ACYP2: variants seen among roughly 807,000 people sequenced by gnomAD.
The protein encoded by ACYP2 is acylphosphatase 2.
ACYP2 carries 12 observed loss-of-function variants against 11.2 expected under a neutral mutation model. The ratio of observed to expected loss-of-function variants is 1.08; its 90% CI spans 0.69 to 1.74. ACYP2 has a LOEUF of 1.74. ACYP2 is among the 40% of genes most tolerant of loss of function. The pLI is 0.00. For missense variants in ACYP2, 134 were observed against 101.9 expected, an observed-to-expected ratio of 1.31 and a Z score of -1.35; for synonymous variants, 43 against 32.2, an observed-to-expected ratio of 1.33 and a Z score of -1.13.
chr2:54,165,527 TC>T, intron 6 of ACYP2, among the ~76,000 whole-genome samples: 1 of 140,726 alleles, frequency 7.1e-6, no homozygotes, highest in East Asian at 2.0e-4. Flanking sequence ...TCTCTCTCTC[TC>T]TCTCTCTCAC....
intron 4 of ACYP2, among the ~76,000 whole-genome samples, chr2:54,110,857 T>C (rs748088624): frequency 1.9e-4 from 29 of 151,780 alleles, no homozygotes; most frequent in Non-Finnish European, 3.8e-4. Flanking sequence ...GACCGATACC[T>C]GAGGAAAGGA....
chr2:54,115,567 G>A (rs761923931), intron 4 of ACYP2, 48 bp from the exon 1 acceptor site: 10 of 1,527,736 alleles, frequency 6.5e-6, no homozygotes, highest in Non-Finnish European at 8.8e-6. Flanking sequence ...ACCCCGGCGC[G>A]CTAGCGTCCG....
intron 4 of ACYP2, among the ~76,000 whole-genome samples, chr2:54,119,846 C>T (rs1680042535): frequency 6.6e-6 from 1 of 152,120 alleles, no homozygotes; most frequent in Admixed American, 6.5e-5. Flanking sequence ...ACATTTAGCC[C>T]CCTTGCCTCC....
intron 2 of ACYP2, among the ~76,000 whole-genome samples, chr2:54,046,541 AATCTGT>A (rs1412559082): frequency 6.6e-6 from 1 of 152,038 alleles, no homozygotes; most frequent in African/African-American, 2.4e-5. Context: ...CTCCAGGCTG[AATCTGT>A]ATCTCTCATG....
chr2:54,063,408 C>T (rs1342922845), intron 4 of ACYP2, among the ~76,000 whole-genome samples: 2 of 152,172 alleles, frequency 1.3e-5, no homozygotes, highest in Non-Finnish European at 1.5e-5. Context: ...TAGATCCACC[C>T]TCCATCTTTC....
At chr2:54,037,994 A>G (rs865789038) in intron 2 of ACYP2, among the ~76,000 whole-genome samples, 1 of 152,220 alleles carries the variant, frequency 6.6e-6, no homozygotes, top group Admixed American at 6.5e-5. Flanking sequence ...AAATCTCCGA[A>G]GCTTTCTCTC....
rs550142135 is a variant in ACYP2, at chr2:54,035,009, C to CAAAAAAAAAAAAAAAAAAAA, written c.63-15945_63-15926dup. On this transcript the variant is annotated intron_variant, in intron 2 of 6. Transcript: ENST00000607452. ...CAGGCGACAGTGCGAGACTACATCT[C>CAAAAAAAAAAAAAAAAAAAA]AAAAAAAAAAAAAAAAAAAAAAAGC... Among the ~76,000 whole-genome samples, 165 of 44,766 alleles carry CAAAAAAAAAAAAAAAAAAAA rather than the reference C, an allele frequency of 3.7e-3. 21 individuals carry two copies. The highest frequency in any genetic ancestry group is 7.0e-3 in the Non-Finnish European group (132 of 18,944). 29.4% of individuals were successfully genotyped at this position (44,766 alleles called of 152,430 possible).
chr2:54,032,946 A>G (rs554830060), intron 2 of ACYP2, among the ~76,000 whole-genome samples: 5 of 152,358 alleles, frequency 3.3e-5, no homozygotes, highest in African/African-American at 4.8e-5. Context: ...AGTTAGTCAG[A>G]TAAAGCTGGA....
chr2:54,251,753 T>C lies in ACYP2; in HGVS notation c.405-52935T>C, dbSNP rs1191242093. ...TGCTTATAGTCTTGAAAATAGAGAT[T>C]ATGTCCCTTAGAGAGCAAAGAACAG... On this transcript the variant is annotated intron_variant, in intron 6 of 6. Coordinates refer to ENST00000607452, the MANE Select transcript of ACYP2 (RefSeq NM_001320586.2). 2.0e-5 allele frequency among the ~76,000 whole-genome samples: 3 copies of C among 152,282 alleles called. No individual in the cohort carries two copies. In the East Asian group the frequency reaches 5.8e-4, roughly 29 times the overall value.
At position 54,202,423 on chromosome 2, in the gene ACYP2, T is replaced by C. The variant is rs1287208738; in HGVS notation, c.404+63675T>C. On this transcript the variant is annotated intron_variant, in intron 6 of 6. Coordinates refer to ENST00000607452, the MANE Select transcript of ACYP2 (RefSeq NM_001320586.2). Reference sequence around the variant, plus strand: ...TGCCTGGCTTTTTTTTTTTTTTTTTTCTGAGATGGAATCTTGCTCTGTCTC... The same window carrying C: ...TGCCTGGCTTTTTTTTTTTTTTTTTCCTGAGATGGAATCTTGCTCTGTCTC... 6.0e-4 allele frequency among the ~76,000 whole-genome samples: 75 copies of C among 125,860 alleles called. No homozygotes were observed. The East Asian group carries it at 9.2e-3, about 15-fold the overall frequency. The allele number at this position is 125,860 out of a possible 152,430, so 82.6% of individuals were successfully genotyped here.
intron 2 of ACYP2, among the ~76,000 whole-genome samples, chr2:54,014,540 C>CA (rs1370662498): frequency 6.6e-6 from 1 of 151,980 alleles, no homozygotes; most frequent in Non-Finnish European, 1.5e-5. Context: ...AGGCTGGTCT[C>CA]AAACTCCTGA....
intron 2 of ACYP2, among the ~76,000 whole-genome samples, chr2:54,042,220 G>C (rs1675269587): frequency 6.6e-6 from 1 of 152,104 alleles, no homozygotes; most frequent in Admixed American, 6.5e-5. Flanking sequence ...TGGTCAGGCT[G>C]GTCTCGAACT....
intron 6 of ACYP2, among the ~76,000 whole-genome samples, chr2:54,205,820 G>C (rs988402553): frequency 2.0e-5 from 3 of 152,130 alleles, no homozygotes; most frequent in South Asian, 2.1e-4. Context: ...AATTGGGTCA[G>C]GATATTCATC....
intron 4 of ACYP2, among the ~76,000 whole-genome samples, chr2:54,057,800 G>C (rs1458506352): frequency 6.6e-6 from 1 of 152,158 alleles, no homozygotes; most frequent in Non-Finnish European, 1.5e-5. Flanking sequence ...AGGAGTCAAA[G>C]CAGGGAAGGC....
chr2:54,241,889 TATA>T lies in ACYP2; in HGVS notation c.405-62796_405-62794del, dbSNP rs569222763. Among the ~76,000 whole-genome samples, 43 of 152,252 alleles carry T rather than the reference TATA, an allele frequency of 2.8e-4. 1 individual carries two copies. The East Asian group carries it at 4.8e-3, about 17-fold the overall frequency. ...TTAGCTGGGCGTGGTGGCAGGCACC[TATA>T]ATCCCATCTACTCCAGAGGCTAAGG... is the stretch of plus-strand genomic sequence containing the variant. On this transcript the variant is annotated intron_variant, in intron 6 of 6. Coordinates refer to ENST00000607452, the MANE Select transcript of ACYP2 (RefSeq NM_001320586.2).
intron 2 of ACYP2, among the ~76,000 whole-genome samples, chr2:53,990,555 A>C (rs1374117193): frequency 6.7e-6 from 1 of 149,082 alleles, no homozygotes; most frequent in Non-Finnish European, 1.5e-5. Flanking sequence ...AGGCTGAGGC[A>C]GGAGAATCTG....
chr2:54,206,287 GA>G (rs1480891315), intron 6 of ACYP2, among the ~76,000 whole-genome samples: 2 of 152,116 alleles, frequency 1.3e-5, no homozygotes, highest in African/African-American at 4.8e-5. Flanking sequence ...TATTCATAAT[GA>G]ATGACATTGT....
chr2:54,145,241 A>G (rs1423449015), intron 6 of ACYP2, among the ~76,000 whole-genome samples: 1 of 152,204 alleles, frequency 6.6e-6, no homozygotes, highest in Non-Finnish European at 1.5e-5. Context: ...TCTACTTAAA[A>G]AATTTTGTTA....
At chr2:54,007,288 T>C (rs2104533125) in intron 2 of ACYP2, among the ~76,000 whole-genome samples, 1 of 141,494 alleles carries the variant, frequency 7.1e-6, no homozygotes, top group Admixed American at 7.2e-5. Flanking sequence ...GGAGTCTCGC[T>C]CTGTCACCAG....
Sources: allele counts gnomAD v4.1 joint callset (sites outside exome capture counted in the v4.1 genomes callset), GRCh38; gene constraint gnomAD v4.1.1; transcripts MANE v1.5; gene names NCBI Gene and HGNC (gene_info 2026-07-23, HGNC 2026-07-21).